RIC3: variants seen among roughly 807,000 people sequenced by gnomAD.
RIC3 encodes the protein protein RIC-3.
RIC3 carries 28 observed loss-of-function variants against 27.3 expected under a neutral mutation model. The observed-to-expected ratio is 1.02, with a 90% CI of 0.76 to 1.41. The LOEUF is 1.41. Ranked by LOEUF, RIC3 falls within the 40% of genes most tolerant of loss-of-function variation. RIC3 has a pLI of 0.00. For missense variants in RIC3, 501 were observed against 444.7 expected (o/e 1.13, Z -1.14); for synonymous variants, 184 against 160.4 (o/e 1.15, Z -1.11).
chr11:8,098,578 A>C, the RIC3 span, among the ~76,000 whole-genome samples: 1 of 152,210 alleles, frequency 6.6e-6, no homozygotes, highest in African/African-American at 2.4e-5. Context: ...GAGCAAGTCC[A>C]GGCCTTCTGC....
At chr11:8,097,422 G>A in the RIC3 span, 1 of 1,614,232 alleles carries the variant, frequency 6.2e-7, no homozygotes, top group Non-Finnish European at 8.5e-7. Context: ...AGGATGGGAA[G>A]AAGGTAAGGT....
chr11:8,150,342 T>C (rs1449196058), intron 1 of RIC3, among the ~76,000 whole-genome samples: 1 of 152,198 alleles, frequency 6.6e-6, no homozygotes, highest in East Asian at 1.9e-4. Context: ...ATCAGTGCCA[T>C]TTAACACTGA....
the RIC3 span, among the ~76,000 whole-genome samples, chr11:8,098,593 G>A: frequency 6.8e-4 from 104 of 152,292 alleles, no homozygotes; most frequent in African/African-American, 2.3e-3. Context: ...TTCTGCCCAC[G>A]AAGTGTCTTC....
rs1946580909 is a variant in RIC3, at chr11:8,122,652, A to T, written c.670+4007T>A. ...AACTGGTGAATGGACAAATTATGGT[A>T]TAAGCATATAACTAAATAATTAGCC... On this transcript the variant is annotated intron_variant, in intron 5 of 5. Coordinates refer to ENST00000309737, the MANE Select transcript of RIC3 (RefSeq NM_001206671.4). 1.3e-5 allele frequency among the ~76,000 whole-genome samples: 2 copies of T among 152,194 alleles called. 1 individual carries two copies. Among genetic ancestry groups the T allele is most frequent in the South Asian group, 4.1e-4 (2 of 4,834 alleles).
Position 8,151,334 on chromosome 11 carries a change from T to C in RIC3, c.125-11141A>G, listed in dbSNP as rs547146670. Among the ~76,000 whole-genome samples, 474 of 152,106 alleles carry C rather than the reference T, an allele frequency of 3.1e-3. 2 individuals are homozygous for C. The highest frequency in any genetic ancestry group is 6.8e-3 in the Middle Eastern group (2 of 294). On this transcript the variant is annotated intron_variant, in intron 1 of 5. Transcript: ENST00000309737. ...CGGGCGCGGTGGCTCACGCCTGTAA[T>C]CCCAGCACTTTGGGAGGCCGAGACG...
chr11:8,093,321 A>G, the RIC3 span, among the ~76,000 whole-genome samples: 1 of 152,166 alleles, frequency 6.6e-6, no homozygotes, highest in African/African-American at 2.4e-5. Context: ...CATGTGAGGC[A>G]ACAGACCAGC....
At chr11:8,133,332 C>T (rs1213641196) in intron 4 of RIC3, among the ~76,000 whole-genome samples, 1 of 152,130 alleles carries the variant, frequency 6.6e-6, no homozygotes, top group Non-Finnish European at 1.5e-5. Context: ...TCAGTTATAC[C>T]AACAGAAAAC....
Position 8,138,365 on chromosome 11 carries a change from T to C in RIC3, c.352-18A>G. 1 of 1,553,310 alleles carries C rather than the reference T, an allele frequency of 6.4e-7. No individual in the cohort carries two copies. Among genetic ancestry groups the C allele is most frequent in the South Asian group, 1.1e-5 (1 of 89,692 alleles). Reference sequence around the variant, plus strand: ...TTTGAGAGCTGAGAATTGAAGGAGGTATAGCACATCAACAGCAGCTCAGAA... The same window carrying C: ...TTTGAGAGCTGAGAATTGAAGGAGGCATAGCACATCAACAGCAGCTCAGAA... On this transcript the variant is annotated intron_variant, in intron 2 of 5. Transcript: ENST00000309737.
Position 8,156,565 on chromosome 11 carries a change from G to GC in RIC3, c.124+12300dup, listed in dbSNP as rs200821264. On this transcript the variant is annotated intron_variant, in intron 1 of 5. Coordinates refer to ENST00000309737, the MANE Select transcript of RIC3 (RefSeq NM_001206671.4). ...GAATTCCATAATCTAACCCAAAAGT[G>GC]CTCTTCACACTACTTTCCCATTACA... 6.4e-3 allele frequency among the ~76,000 whole-genome samples: 974 copies of GC among 152,246 alleles called. 22 individuals are homozygous for GC. The highest frequency in any genetic ancestry group is 0.051 in the Admixed American group (783 of 15,290).
At chr11:8,160,704 G>A (rs1951088172) in intron 1 of RIC3, among the ~76,000 whole-genome samples, 1 of 152,210 alleles carries the variant, frequency 6.6e-6, no homozygotes, top group African/African-American at 2.4e-5. Flanking sequence ...GAAGAAGAGT[G>A]CAGGGAAACA....
intron 5 of RIC3, among the ~76,000 whole-genome samples, chr11:8,125,177 C>T (rs1163373757): frequency 6.6e-6 from 1 of 151,350 alleles, no homozygotes; most frequent in Non-Finnish European, 1.5e-5. Flanking sequence ...TGGCATGAAC[C>T]TGGGAGGTGG....
At chr11:8,093,083 A>G in the RIC3 span, among the ~76,000 whole-genome samples, 1 of 152,036 alleles carries the variant, frequency 6.6e-6, no homozygotes, top group African/African-American at 2.4e-5. Context: ...CTAGGTGGAG[A>G]GACAATGTTA....
chr11:8,126,535 T>C (rs922460827), intron 5 of RIC3, 124 bp downstream of exon 5: 1 of 1,138,468 alleles, frequency 8.8e-7, no homozygotes, highest in African/African-American at 1.6e-5. Context: ...CAACCGTACA[T>C]TTAAAACTGG....
chr11:8,139,930 T>A, intron 2 of RIC3, 37 bp downstream of exon 2: 1 of 1,535,816 alleles, frequency 6.5e-7, no homozygotes. Flanking sequence ...ATATTAGATT[T>A]TCATTGATGT....
chr11:8,101,702 T>C, downstream of RIC3: 1 of 1,550,424 alleles, frequency 6.4e-7, no homozygotes. Flanking sequence ...GCCTATCCTC[T>C]GTATATAGGC....
At chr11:8,163,040 C>CACACACACACAT (rs1420098616) in intron 1 of RIC3, among the ~76,000 whole-genome samples, 1 of 147,006 alleles carries the variant, frequency 6.8e-6, no homozygotes, top group Non-Finnish European at 1.5e-5. Flanking sequence ...CACACACACA[C>CACACACACACAT]ACACACACAC....
the RIC3 span, chr11:8,095,418 A>G: frequency 3.4e-6 from 5 of 1,461,520 alleles, no homozygotes; most frequent in Non-Finnish European, 4.6e-6. Context: ...CTCTTCCCTC[A>G]TCCCCTTCAT....
At chr11:8,143,820 C>A (rs1949345134) in intron 1 of RIC3, among the ~76,000 whole-genome samples, 1 of 152,114 alleles carries the variant, frequency 6.6e-6, no homozygotes, top group Admixed American at 6.5e-5. Flanking sequence ...GGTACTGGTA[C>A]CAAAACAGAG....
chr11:8,100,798 C>T, the RIC3 span: 12 of 1,611,280 alleles, frequency 7.4e-6, no homozygotes, highest in Middle Eastern at 5.1e-4. Flanking sequence ...AAGGCCTGGG[C>T]CTGGCTCAGG....
Sources: gnomAD v4.1 joint callset for allele counts (sites outside exome capture counted in the v4.1 genomes callset) on GRCh38, gnomAD v4.1.1 for gene constraint, MANE v1.5 for transcripts, NCBI Gene and HGNC (gene_info 2026-07-23, HGNC 2026-07-21) for gene names.